The following ZNF740 variants were observed in gnomAD, a reference collection of about 807,000 sequenced individuals.
The protein encoded by ZNF740 is zinc finger protein 740.
In ZNF740, 14 loss-of-function variants were observed where a neutral mutation model predicts 24.8. That is an observed-to-expected ratio of 0.56 (90% CI 0.37 to 0.88). The LOEUF is 0.88. Ranked by LOEUF, ZNF740 falls within the 40% of genes least tolerant of loss-of-function variation. ZNF740 has a pLI of 0.00. For missense variants in ZNF740, 201 were observed against 247.9 expected (o/e 0.81, Z 1.27); for synonymous variants, 69 against 84.0 (o/e 0.82, Z 0.98).
At position 53,188,838 on chromosome 12, in the gene ZNF740, C is replaced by T. The variant is rs181200354; in HGVS notation, c.*1248C>T. ...TCCATTCTTAACCATATTCTTTGCT[C>T]CTCTCTGCTCCAATACCACCACCTT... On this transcript the variant is annotated 3_prime_UTR_variant, in exon 7 of 7. Coordinates refer to ENST00000416904, the MANE Select transcript of ZNF740 (RefSeq NM_001004304.4). The T allele has an allele frequency of 1.1e-4, 16 of 152,240 alleles. No individual in the cohort carries two copies. In the East Asian group the frequency reaches 2.9e-3, roughly 28 times the overall value. The allele number at this position is 152,240 out of a possible 1,614,324, so 9.4% of individuals were successfully genotyped here. A position where few individuals can be genotyped will look rare whatever the true frequency, so the allele number is the denominator to read the frequency against.
Position 53,184,153 on chromosome 12 carries a change from G to GCGCGCGCGCGCA in ZNF740, c.10-729_10-728insGCACGCGCGCGC, listed in dbSNP as rs1227318985. Reference sequence around the variant, plus strand: ...TGTGTGTGTGTGTGTGTGTGTGTGCGCGCGCGCGCTCTGAAGCTAAGGGGT... The same window carrying GCGCGCGCGCGCA: ...TGTGTGTGTGTGTGTGTGTGTGTGCGCGCGCGCGCGCACGCGCGCGCTCTGAAGCTAAGGGGT... On this transcript the variant is annotated intron_variant, in intron 2 of 6. Transcript: ENST00000416904. Among the ~76,000 whole-genome samples, 61 of 93,770 alleles carry GCGCGCGCGCGCA rather than the reference G, an allele frequency of 6.5e-4. 1 individual carries two copies. The highest frequency in any genetic ancestry group is 2.2e-3 in the African/African-American group (53 of 24,330). The allele number at this position is 93,770 out of a possible 152,430, so 61.5% of individuals were successfully genotyped here.
rs1246254433 is a variant in ZNF740 at position 53,192,716 on chromosome 12, A to G, written c.*5126A>G. 1 of 1,614,162 alleles carries G rather than the reference A, an allele frequency of 6.2e-7. No homozygotes were observed. The highest frequency in any genetic ancestry group is 1.1e-5 in the South Asian group (1 of 91,084). On this transcript the variant is annotated 3_prime_UTR_variant, in exon 7 of 7. Coordinates refer to ENST00000416904, the MANE Select transcript of ZNF740 (RefSeq NM_001004304.4). The stretch of plus-strand genomic sequence containing the variant: ...CGGTGTCTCTCGCATGGTGTCTTGC[A>G]GCCTGGGCATTGGTCGCATAGAGCA...
In ZNF740 at chr12:53,194,172, T is replaced by C. The variant is rs779425131; in HGVS notation, c.*6582T>C. ...CCACTCCCACCTCCCCCTGCCCGCC[T>C]TCTGCCTGTGCTTGCTGGCTCTCAC... On this transcript the variant is annotated 3_prime_UTR_variant, in exon 7 of 7. Transcript: ENST00000416904. The C allele has an allele frequency of 3.5e-5, 57 of 1,613,588 alleles. No individual in the cohort carries two copies. Among genetic ancestry groups the C allele is most frequent in the Non-Finnish European group, 4.6e-5 (54 of 1,179,682 alleles).
In ZNF740 at chr12:53,194,395, A is replaced by G; in HGVS notation, c.*6805A>G. 1 of 1,586,682 alleles carries G rather than the reference A, an allele frequency of 6.3e-7. No individual in the cohort carries two copies. The highest frequency in any genetic ancestry group is 8.6e-7 in the Non-Finnish European group (1 of 1,160,478). ...CCACGTGAAGGCAGAAAAGGACTCC[A>G]ACCCCACCTTATGTCCTCTCCAGGT... On this transcript the variant is annotated 3_prime_UTR_variant, in exon 7 of 7. Transcript: ENST00000416904.
chr12:53,187,820 G>T lies in ZNF740; in HGVS notation c.*230G>T. 1.9e-6 allele frequency: 1 copy of T among 528,748 alleles called. No individual in the cohort carries two copies. The highest frequency in any genetic ancestry group is 2.0e-5 in the South Asian group (1 of 49,128). The allele number at this position is 528,748 out of a possible 1,614,324, so 32.8% of individuals were successfully genotyped here. A position where few individuals can be genotyped will look rare whatever the true frequency, so the allele number is the denominator to read the frequency against. On this transcript the variant is annotated 3_prime_UTR_variant, in exon 7 of 7. Transcript: ENST00000416904. ...GAAGTTCTTACAGCATTCCTGGGTA[G>T]GGGAGCTAGTCCCTGGACCCTTGGC... is the stretch of plus-strand genomic sequence containing the variant.
Position 53,184,150 on chromosome 12 carries a change from T to TGTGTGTGTGTGTGTGC in ZNF740, c.10-740_10-739insTGTGTGTGTGTGTGCG, listed in dbSNP as rs59250662. The stretch of plus-strand genomic sequence containing the variant: ...GTGTGTGTGTGTGTGTGTGTGTGTG[T>TGTGTGTGTGTGTGTGC]GCGCGCGCGCGCTCTGAAGCTAAGG... On this transcript the variant is annotated intron_variant, in intron 2 of 6. Coordinates refer to ENST00000416904, the MANE Select transcript of ZNF740 (RefSeq NM_001004304.4). Among the ~76,000 whole-genome samples the TGTGTGTGTGTGTGTGC allele has an allele frequency of 7.8e-4, 81 of 104,414 alleles. 1 individual carries two copies. Among genetic ancestry groups the TGTGTGTGTGTGTGTGC allele is most frequent in the East Asian group, 5.0e-3 (18 of 3,572 alleles). 68.5% of individuals were successfully genotyped at this position (104,414 alleles called of 152,430 possible). A position where few individuals can be genotyped will look rare whatever the true frequency, so the allele number is the denominator to read the frequency against.
rs377196761 is a variant in ZNF740, at chr12:53,186,385, G to C, written c.374-6G>C. 6 of 1,566,420 alleles carry C rather than the reference G, an allele frequency of 3.8e-6. No individual in the cohort carries two copies. In the South Asian group the frequency reaches 4.7e-5, roughly 12 times the overall value. On this transcript the variant is annotated splice_polypyrimidine_tract_variant and splice_region_variant and intron_variant, in intron 5 of 6. Coordinates refer to ENST00000416904, the MANE Select transcript of ZNF740 (RefSeq NM_001004304.4). Reference sequence around the variant, plus strand: ...CCACATTCACTTCTCTGTCCACCTGGGCCAGGTGAGAAGCCATTTGAATGC... The same window carrying C: ...CCACATTCACTTCTCTGTCCACCTGCGCCAGGTGAGAAGCCATTTGAATGC...
rs552063902 is a variant in ZNF740, at chr12:53,188,911, A to G, written c.*1321A>G. 3 of 151,894 alleles carry G rather than the reference A, an allele frequency of 2.0e-5. No homozygotes were observed. The highest frequency in any genetic ancestry group is 6.6e-5 in the Admixed American group (1 of 15,244). 9.4% of individuals were successfully genotyped at this position (151,894 alleles called of 1,614,324 possible). A position where few individuals can be genotyped will look rare whatever the true frequency, so the allele number is the denominator to read the frequency against. ...GGGTGTGTGTGTGTGTGTGAGAGAGAGTGTGTGTGAGATATGAATGCATGT... is the reference window on the plus strand; with the variant it reads ...GGGTGTGTGTGTGTGTGTGAGAGAGGGTGTGTGTGAGATATGAATGCATGT... On this transcript the variant is annotated 3_prime_UTR_variant, in exon 7 of 7. Transcript: ENST00000416904.
In ZNF740 at chr12:53,193,273, A is replaced by G. The variant is rs1942033784; in HGVS notation, c.*5683A>G. Reference sequence around the variant, plus strand: ...TTCCACTGCACAGGGGCCCTGTGCCATTGGGAGCCCGGCACCCAGATTCCA... The same window carrying G: ...TTCCACTGCACAGGGGCCCTGTGCCGTTGGGAGCCCGGCACCCAGATTCCA... On this transcript the variant is annotated 3_prime_UTR_variant, in exon 7 of 7. Transcript: ENST00000416904. The G allele has an allele frequency of 1.2e-6, 2 of 1,613,678 alleles. No homozygotes were observed. The highest frequency in any genetic ancestry group is 1.7e-6 in the Non-Finnish European group (2 of 1,179,662).
intron 1 of ZNF740, chr12:53,181,107 C>G: frequency 5.2e-6 from 5 of 954,294 alleles, no homozygotes; most frequent in Non-Finnish European, 6.2e-6. Context: ...TCGGCACTCT[C>G]CGGCTCTGCT....
At position 53,189,035 on chromosome 12, in the gene ZNF740, A is replaced by G. The variant is rs1028968341; in HGVS notation, c.*1445A>G. Reference sequence around the variant, plus strand: ...GTGGAAAATAGCCTCCTCTTGCCCAAACATGAAGGGTGCTTGAGGTCTCAG... The same window carrying G: ...GTGGAAAATAGCCTCCTCTTGCCCAGACATGAAGGGTGCTTGAGGTCTCAG... On this transcript the variant is annotated 3_prime_UTR_variant, in exon 7 of 7. Coordinates refer to ENST00000416904, the MANE Select transcript of ZNF740 (RefSeq NM_001004304.4). 6.6e-6 allele frequency: 1 copy of G among 152,076 alleles called. No homozygotes were observed. The highest frequency in any genetic ancestry group is 1.5e-5 in the Non-Finnish European group (1 of 68,004). The allele number at this position is 152,076 out of a possible 1,614,324, so 9.4% of individuals were successfully genotyped here.
intron 1 of ZNF740, 164 bp downstream of exon 1, chr12:53,181,001 G>A: frequency 2.4e-6 from 2 of 843,788 alleles, no homozygotes; most frequent in Non-Finnish European, 3.0e-6. Flanking sequence ...GGCCGTGCGC[G>A]CACACCGCCC....
chr12:53,181,857 A>G lies in ZNF740; in HGVS notation c.-127A>G. ...TGAAGACAAAGTTCAATATGGCAAC[A>G]GGACTGATGGGACACGAAGGAGTCG... On this transcript the variant is annotated 5_prime_UTR_variant, in exon 2 of 7. Coordinates refer to ENST00000416904, the MANE Select transcript of ZNF740 (RefSeq NM_001004304.4). 8.3e-7 allele frequency: 1 copy of G among 1,199,012 alleles called. No individual in the cohort carries two copies. The highest frequency in any genetic ancestry group is 1.2e-6 in the Non-Finnish European group (1 of 841,794). The allele number at this position is 1,199,012 out of a possible 1,614,324, so 74.3% of individuals were successfully genotyped here.
intron 2 of ZNF740, among the ~76,000 whole-genome samples, chr12:53,184,403 G>T (rs752102344): frequency 5.9e-5 from 9 of 152,092 alleles, no homozygotes; most frequent in Non-Finnish European, 8.8e-5. Context: ...GTCCAGGCTT[G>T]TCTCGAACTC....
rs777710205 is a variant in ZNF740 at position 53,193,159 on chromosome 12, A to G, written c.*5569A>G. Reference sequence around the variant, plus strand: ...AGGTACCTCCGCAGAGGATGCCCTCATGTCGCTCACAGCTGGCATCGTCAC... The same window carrying G: ...AGGTACCTCCGCAGAGGATGCCCTCGTGTCGCTCACAGCTGGCATCGTCAC... On this transcript the variant is annotated 3_prime_UTR_variant, in exon 7 of 7. Transcript: ENST00000416904. 9.3e-6 allele frequency: 15 copies of G among 1,611,966 alleles called. No individual in the cohort carries two copies. The highest frequency in any genetic ancestry group is 1.7e-4 in the Middle Eastern group (1 of 6,042).
In ZNF740 at chr12:53,181,842, G is replaced by T; in HGVS notation, c.-142G>T. Reference sequence around the variant, plus strand: ...ACACTAAGTTCTATTTGAAGACAAAGTTCAATATGGCAACAGGACTGATGG... The same window carrying T: ...ACACTAAGTTCTATTTGAAGACAAATTTCAATATGGCAACAGGACTGATGG... On this transcript the variant is annotated 5_prime_UTR_variant, in exon 2 of 7. Coordinates refer to ENST00000416904, the MANE Select transcript of ZNF740 (RefSeq NM_001004304.4). The T allele has an allele frequency of 9.3e-7, 1 of 1,076,924 alleles. No individual in the cohort carries two copies. 66.7% of individuals were successfully genotyped at this position (1,076,924 alleles called of 1,614,324 possible).
At chr12:53,182,950 G>A (rs74088985) in intron 2 of ZNF740, among the ~76,000 whole-genome samples, 33 of 152,316 alleles carry the variant, frequency 2.2e-4, no homozygotes, top group African/African-American at 7.9e-4. Context: ...GTAGTCATCT[G>A]AGTAGAATAG....
At chr12:53,181,324 C>T (rs535961675) in intron 1 of ZNF740, 1 of 985,452 alleles carries the variant, frequency 1.0e-6, no homozygotes, top group Non-Finnish European at 1.2e-6. Flanking sequence ...CTTTCCTCCA[C>T]CCTAGTCTTG....
At chr12:53,184,267 C>T (rs1167400596) in intron 2 of ZNF740, among the ~76,000 whole-genome samples, 2 of 151,766 alleles carry the variant, frequency 1.3e-5, no homozygotes, top group Admixed American at 1.3e-4. Flanking sequence ...CGGCTCACTG[C>T]AGCCTCCGCC....
Sources: gnomAD v4.1 joint callset for allele counts (sites outside exome capture counted in the v4.1 genomes callset) on GRCh38, gnomAD v4.1.1 for gene constraint, MANE v1.5 for transcripts, NCBI Gene and HGNC (gene_info 2026-07-23, HGNC 2026-07-21) for gene names.